Variants in LIPA observed in about 807,000 individuals in gnomAD.
The protein encoded by LIPA is lipase A, lysosomal acid type.
LIPA carries 26 observed loss-of-function variants against 40.6 expected under a neutral mutation model. That is an observed-to-expected ratio of 0.64 (90% CI 0.47 to 0.89). The LOEUF is 0.89. Among genes scored for constraint, LIPA ranks in the 40% least tolerant of loss-of-function variants. LIPA has a pLI of 0.00. For synonymous variants in LIPA, 188 were observed against 168.4 expected (o/e 1.12, Z -0.90); for missense variants, 455 against 479.6 (o/e 0.95, Z 0.48).
At position 89,268,016 on chromosome 10, in the gene LIPA, G is replaced by T. The variant is rs189107121; in HGVS notation, c.-1-20367C>A. ...AAATATCTTTGTTTATGAACATCAAGTTTACTCCCACAAATTATCTATTTT... is the reference window on the plus strand; with the variant it reads ...AAATATCTTTGTTTATGAACATCAATTTTACTCCCACAAATTATCTATTTT... On this transcript the variant is annotated intron_variant, in intron 1 of 5. Transcript: ENST00000282673. Among the ~76,000 whole-genome samples the T allele has an allele frequency of 5.7e-3, 864 of 152,228 alleles. 3 individuals carry two copies. Among genetic ancestry groups the T allele is most frequent in the Non-Finnish European group, 8.7e-3 (591 of 68,014 alleles).
chr10:89,383,993 T>C (rs1295583309), intron 2 of LIPA: 1 of 1,614,220 alleles, frequency 6.2e-7, no homozygotes, highest in Non-Finnish European at 8.5e-7. Flanking sequence ...GCCCTGAAGC[T>C]TCAGGATGAA....
intron 2 of LIPA, 81 bp downstream of exon 2, chr10:89,247,457 T>C: frequency 5.2e-6 from 4 of 769,308 alleles, no homozygotes. Flanking sequence ...GATGAATGTA[T>C]GGGTATGGCT....
rs756939371 is a variant in LIPA at position 89,386,946 on chromosome 10, AGT to A, written c.61+25843_61+25844del. Among the ~76,000 whole-genome samples the A allele has an allele frequency of 7.5e-3, 939 of 125,886 alleles. 8 individuals carry two copies. The highest frequency in any genetic ancestry group is 0.028 in the South Asian group (110 of 3,964). The allele number at this position is 125,886 out of a possible 152,430, so 82.6% of individuals were successfully genotyped here. ...GAGTTTATGAGTCTGTGGGTATATG[AGT>A]GTGTGTGTGTGTGTGTGTGTGTGTG... is the stretch of plus-strand genomic sequence containing the variant. On this transcript the variant is annotated intron_variant, in intron 2 of 8. Transcript: ENST00000371837.
At chr10:89,306,658 G>A (rs765141213) in intron 1 of LIPA, 1 of 1,614,134 alleles carries the variant, frequency 6.2e-7, no homozygotes, top group Admixed American at 1.7e-5. Context: ...AAGGAGAGAA[G>A]TTAGTTGAAG....
chr10:89,307,319 AG>A, intron 1 of LIPA: 1 of 1,612,796 alleles, frequency 6.2e-7, no homozygotes, highest in Non-Finnish European at 8.5e-7. Flanking sequence ...AGACTCTGAG[AG>A]GGGTTTGGAG....
At chr10:89,266,079 C>A (rs1843234474) in intron 1 of LIPA, among the ~76,000 whole-genome samples, 1 of 152,176 alleles carries the variant, frequency 6.6e-6, no homozygotes, top group African/African-American at 2.4e-5. Flanking sequence ...GTTTTCTATC[C>A]TCAGATTCTC....
At chr10:89,248,452 ATTTAT>A (rs1843066027) in intron 1 of LIPA, among the ~76,000 whole-genome samples, 6 of 36,016 alleles carry the variant, frequency 1.7e-4, no homozygotes, top group African/African-American at 8.9e-4. Flanking sequence ...ATATTTATTT[ATTTAT>A]TTATTTATTT....
chr10:89,273,327 G>T (rs139218221), intron 1 of LIPA, among the ~76,000 whole-genome samples: 1 of 152,284 alleles, frequency 6.6e-6, no homozygotes, highest in East Asian at 1.9e-4. Context: ...TCAGAGGTAG[G>T]GGTTGCTGGA....
At chr10:89,390,881 A>C (rs1844242938) in intron 2 of LIPA, among the ~76,000 whole-genome samples, 1 of 152,260 alleles carries the variant, frequency 6.6e-6, no homozygotes, top group South Asian at 2.1e-4. Flanking sequence ...CTTGCTCCCC[A>C]AAAGATGTTT....
chr10:89,327,166 G>T (rs967856460), intron 1 of LIPA, among the ~76,000 whole-genome samples: 2 of 152,206 alleles, frequency 1.3e-5, no homozygotes, highest in African/African-American at 4.8e-5. Context: ...TGTCTGGGTC[G>T]TGGAGACCAA....
At chr10:89,393,144 T>C in intron 2 of LIPA, 1 of 1,291,880 alleles carries the variant, frequency 7.7e-7, no homozygotes, top group Non-Finnish European at 1.0e-6. Flanking sequence ...CCCACAAGAA[T>C]GTGAAAGCCT....
chr10:89,376,442 T>A (rs1281602705), intron 2 of LIPA, among the ~76,000 whole-genome samples: 1 of 152,198 alleles, frequency 6.6e-6, no homozygotes, highest in African/African-American at 2.4e-5. Context: ...GTGACGTTCC[T>A]TTTCTGGGTA....
intron 9 of LIPA, 89 bp downstream of exon 9, chr10:89,215,849 C>A (rs1260102085): frequency 1.2e-6 from 1 of 858,196 alleles, no homozygotes; most frequent in Non-Finnish European, 2.0e-6. Context: ...TCCCACAGCA[C>A]CTGAGCCTGG....
chr10:89,247,232 C>T (rs1429596761), intron 2 of LIPA, among the ~76,000 whole-genome samples: 2 of 151,632 alleles, frequency 1.3e-5, no homozygotes, highest in Non-Finnish European at 2.9e-5. Flanking sequence ...ATTAGCCAGG[C>T]ATGGTGGTGC....
At chr10:89,294,270 T>G (rs1426247527) in intron 1 of LIPA, among the ~76,000 whole-genome samples, 3 of 152,208 alleles carry the variant, frequency 2.0e-5, no homozygotes, top group African/African-American at 7.2e-5. Flanking sequence ...CTTAGTCCAT[T>G]TTTTTCTGCT....
intron 1 of LIPA, among the ~76,000 whole-genome samples, chr10:89,322,693 T>C (rs1376804170): frequency 6.6e-6 from 1 of 151,970 alleles, no homozygotes; most frequent in Non-Finnish European, 1.5e-5. Flanking sequence ...ACTGGTGCCA[T>C]AGCCCAATAA....
intron 1 of LIPA, among the ~76,000 whole-genome samples, chr10:89,276,319 G>T (rs910035768): frequency 3.9e-5 from 6 of 152,208 alleles, no homozygotes; most frequent in Admixed American, 6.5e-5. Context: ...TGTGATTGTA[G>T]TTACAGCCTC....
intron 2 of LIPA, among the ~76,000 whole-genome samples, chr10:89,379,913 T>C (rs1844150085): frequency 1.3e-5 from 2 of 151,834 alleles, no homozygotes; most frequent in Non-Finnish European, 2.9e-5. Context: ...CGGGCGCCTG[T>C]AGTCCCAGCT....
intron 8 of LIPA, among the ~76,000 whole-genome samples, chr10:89,218,103 G>T (rs965920398): frequency 6.6e-6 from 1 of 152,152 alleles, no homozygotes; most frequent in African/African-American, 2.4e-5. Flanking sequence ...AGGAGGAAAT[G>T]CCTATAGTAT....
Sources: gnomAD v4.1 joint callset for allele counts (sites outside exome capture counted in the v4.1 genomes callset) on GRCh38, gnomAD v4.1.1 for gene constraint, MANE v1.5 for transcripts, NCBI Gene and HGNC (gene_info 2026-07-23, HGNC 2026-07-21) for gene names.